MPC1: variants seen among roughly 807,000 people sequenced by gnomAD.
MPC1 encodes the protein HSPC040 protein.
A neutral mutation model predicts 13.9 loss-of-function variants in MPC1; 6 were observed. The observed-to-expected ratio is 0.43, with a 90% confidence interval of 0.24 to 0.85. The LOEUF is 0.85. Ranked by LOEUF, MPC1 falls within the 40% of genes least tolerant of loss-of-function variation. The pLI, the probability that MPC1 is intolerant of heterozygous loss-of-function variation, is 0.24. For synonymous variants in MPC1, 47 were observed against 50.5 expected, an observed-to-expected ratio of 0.93 and a Z score of 0.29; for missense variants, 115 against 143.3, an observed-to-expected ratio of 0.80 and a Z score of 1.01.
chr6:166,370,362 C>T (rs1202457360), intron 1 of MPC1, 141 bp from the exon 2 acceptor site: 1 of 599,952 alleles, frequency 1.7e-6, no homozygotes, highest in Non-Finnish European at 3.0e-6. Context: ...ACAACGTTAA[C>T]AGTGTACATT....
At chr6:166,368,732 C>T (rs1018593728) in intron 2 of MPC1, 4 of 983,656 alleles carry the variant, frequency 4.1e-6, no homozygotes, top group Non-Finnish European at 4.8e-6. Context: ...TACCTACTTA[C>T]TTCTTTTCTT....
chr6:166,376,802 G>A (rs1032445956), intron 1 of MPC1, among the ~76,000 whole-genome samples: 3 of 152,082 alleles, frequency 2.0e-5, no homozygotes, highest in African/African-American at 7.2e-5. Context: ...ATGTTAACAT[G>A]GTACACCTAT....
At chr6:166,375,149 G>A (rs1779522943) in intron 1 of MPC1, among the ~76,000 whole-genome samples, 1 of 152,188 alleles carries the variant, frequency 6.6e-6, no homozygotes, top group Non-Finnish European at 1.5e-5. Flanking sequence ...CAATGGCTAA[G>A]TGATTAGGTG....
At chr6:166,368,837 A>C (rs1320613858) in intron 2 of MPC1, 10 of 985,238 alleles carry the variant, frequency 1.0e-5, no homozygotes, top group Non-Finnish European at 1.2e-5. Flanking sequence ...GCCTTTCTCC[A>C]CTTGGTCTAT....
intron 1 of MPC1, among the ~76,000 whole-genome samples, chr6:166,371,803 G>A (rs922730678): frequency 3.3e-5 from 5 of 152,110 alleles, no homozygotes; most frequent in African/African-American, 4.8e-5. Flanking sequence ...CAGAGTAAGA[G>A]ATTGACAACA....
chr6:166,377,180 T>G (rs1779600644), intron 1 of MPC1, among the ~76,000 whole-genome samples: 1 of 150,918 alleles, frequency 6.6e-6, no homozygotes, highest in Non-Finnish European at 1.5e-5. Flanking sequence ...TCTCGCTCTG[T>G]TAGCCAGGCT....
chr6:166,366,707 T>C, intron 3 of MPC1, 88 bp downstream of exon 3: 17 of 1,263,000 alleles, frequency 1.3e-5, no homozygotes, highest in Non-Finnish European at 1.5e-5. Context: ...TAATAGTGAC[T>C]GTAACATCTA....
At chr6:166,375,395 G>A (rs1215726444) in intron 1 of MPC1, among the ~76,000 whole-genome samples, 1 of 151,712 alleles carries the variant, frequency 6.6e-6, no homozygotes, top group Non-Finnish European at 1.5e-5. Flanking sequence ...CTGTGGATAA[G>A]GGGGGTGGAG....
chr6:166,372,531 A>C (rs1181232041), intron 1 of MPC1, among the ~76,000 whole-genome samples: 1 of 152,226 alleles, frequency 6.6e-6, no homozygotes, highest in African/African-American at 2.4e-5. Context: ...ACATGAATAT[A>C]ATCACATTAA....
Position 166,382,868 on chromosome 6 carries a change from G to A in MPC1, c.9C>T (p.Gly3=), listed in dbSNP as rs770608276. The stretch of plus-strand genomic sequence containing the variant: ...AGTCCGCCGCTTTCCGCACCAACGC[G>A]CCCGCCATGGCTGTGCCGACACCAG... MA[G]ALVRKAADYV... The change falls in exon 1 of 5, where the codon GGC becomes GGT. Residue 3 remains glycine, a synonymous_variant. Coordinates refer to ENST00000360961, the MANE Select transcript of MPC1 (RefSeq NM_016098.4). The A allele has an allele frequency of 3.8e-6, 6 of 1,591,106 alleles. No homozygotes were observed. The South Asian group carries it at 4.5e-5, about 12-fold the overall frequency.
At chr6:166,381,785 A>T in intron 1 of MPC1, 1 of 979,192 alleles carries the variant, frequency 1.0e-6, no homozygotes, top group South Asian at 4.7e-5. Flanking sequence ...ATGACCTTAG[A>T]GACACGTCAC....
rs148796644 is a variant in MPC1 at position 166,371,967 on chromosome 6, G to A, written c.72-1746C>T. Among the ~76,000 whole-genome samples the A allele has an allele frequency of 6.3e-3, 963 of 152,142 alleles. 11 individuals carry two copies. The highest frequency in any genetic ancestry group is 0.022 in the African/African-American group (925 of 41,502). On this transcript the variant is annotated intron_variant, in intron 1 of 4. Transcript: ENST00000360961. ...CATAGAAGGAGAAACTGCAGATGAGGGGGTACTACTATGTGCTTCAGATAG... is the reference window on the plus strand; with the variant it reads ...CATAGAAGGAGAAACTGCAGATGAGAGGGTACTACTATGTGCTTCAGATAG...
At position 166,365,534 on chromosome 6, in the gene MPC1, G is replaced by A. The variant is rs1355970084; in HGVS notation, c.306-81C>T. The A allele has an allele frequency of 8.8e-7, 1 of 1,137,402 alleles. No homozygotes were observed. Among genetic ancestry groups the A allele is most frequent in the Non-Finnish European group, 1.2e-6 (1 of 810,216 alleles). 70.5% of individuals were successfully genotyped at this position (1,137,402 alleles called of 1,614,324 possible). On this transcript the variant is annotated intron_variant, in intron 4 of 4. Coordinates refer to ENST00000360961, the MANE Select transcript of MPC1 (RefSeq NM_016098.4). This position sits in a 1 kb window ranked among gnomAD's most constrained non-coding sequence, Gnocchi z 4.2. ...CAAGGGCTTTGGATGGCTTTTAAAA[G>A]ACACCTTTACATAACATTTATTTCA...
At chr6:166,373,666 A>G (rs551302054) in intron 1 of MPC1, among the ~76,000 whole-genome samples, 1 of 152,322 alleles carries the variant, frequency 6.6e-6, no homozygotes, top group East Asian at 1.9e-4. Context: ...GAAACTGCCA[A>G]ACTGTTTTCC....
rs114470742 is a variant in MPC1 at position 166,375,830 on chromosome 6, G to A, written c.72-5609C>T. On this transcript the variant is annotated intron_variant, in intron 1 of 4. Transcript: ENST00000360961. ...TAATTTATCTTGGTGAGTGTTCCAT[G>A]TGAGCTTGAGAAGAATGTGTATTCT... 6.6e-3 allele frequency among the ~76,000 whole-genome samples: 1,008 copies of A among 152,284 alleles called. 12 individuals are homozygous for A. The highest frequency in any genetic ancestry group is 0.022 in the African/African-American group (921 of 41,550).
In MPC1 at chr6:166,365,499, A is replaced by G. The variant is rs1779116307; in HGVS notation, c.306-46T>C. The G allele has an allele frequency of 3.3e-6, 5 of 1,513,048 alleles. No homozygotes were observed. Among genetic ancestry groups the G allele is most frequent in the Non-Finnish European group, 4.5e-6 (5 of 1,119,490 alleles). 93.7% of individuals were successfully genotyped at this position (1,513,048 alleles called of 1,614,324 possible). On this transcript the variant is annotated intron_variant, in intron 4 of 4. Transcript: ENST00000360961. The surrounding 1 kb of genome is among the most constrained non-coding windows in gnomAD (Gnocchi z 4.2). ...AAATTCAATGAGAAACAAAATTTCA[A>G]TGCCAATCGCAAGGGCTTTGGATGG...
At chr6:166,373,082 G>A (rs976378492) in intron 1 of MPC1, among the ~76,000 whole-genome samples, 3 of 151,998 alleles carry the variant, frequency 2.0e-5, no homozygotes, top group Non-Finnish European at 2.9e-5. Flanking sequence ...AAACATGCAC[G>A]CACTCTCCCA....
chr6:166,382,870 C>T lies in MPC1; in HGVS notation c.7G>A (p.Gly3Ser), dbSNP rs769491045. ...TCCGCCGCTTTCCGCACCAACGCGC[C>T]CGCCATGGCTGTGCCGACACCAGAC... Reference protein sequence around the residue: MAGALVRKAADYV... With the variant: MASALVRKAADYV... The change falls in exon 1 of 5, where the codon GGC (glycine) becomes AGC (serine). Residue 3 changes from glycine (G) to serine (S), a missense_variant. This residue lies in a region of MPC1 where 41 missense variants were observed against 34.2 expected (regional missense o/e 1.20). Coordinates refer to ENST00000360961, the MANE Select transcript of MPC1 (RefSeq NM_016098.4). The T allele has an allele frequency of 2.5e-6, 4 of 1,599,554 alleles. No individual in the cohort carries two copies. The highest frequency in any genetic ancestry group is 3.4e-6 in the Non-Finnish European group (4 of 1,174,664).
intron 1 of MPC1, among the ~76,000 whole-genome samples, chr6:166,381,459 A>C (rs1779779417): frequency 6.6e-6 from 1 of 152,230 alleles, no homozygotes; most frequent in African/African-American, 2.4e-5. Flanking sequence ...TTGTGTGGTT[A>C]TAACAGGATT....
Sources: gnomAD v4.1 joint callset for allele counts (sites outside exome capture counted in the v4.1 genomes callset) on GRCh38, gnomAD v4.1.1 for gene constraint, gnomAD v4.1.1 regional missense constraint, Gnocchi (gnomAD v3.1) non-coding constraint, MANE v1.5 for transcripts, NCBI Gene and HGNC (gene_info 2026-07-23, HGNC 2026-07-21) for gene names.